The following SUPT3H variants were observed in gnomAD, a reference collection of about 807,000 sequenced individuals.
SUPT3H encodes the protein SPT3 homolog, SAGA and STAGA complex component.
Under a neutral mutation model 44.3 loss-of-function variants are expected in SUPT3H, and 44 were observed. That is an observed-to-expected ratio of 0.99 (90% CI 0.78 to 1.28). The LOEUF is 1.28. Ranked by LOEUF, SUPT3H falls within the 50% of genes most tolerant of loss-of-function variation. The pLI is 0.00. For synonymous variants in SUPT3H, 124 were observed against 125.6 expected (o/e 0.99, Z 0.09); for missense variants, 380 against 387.1 (o/e 0.98, Z 0.15).
chr6:45,252,159 A>G (rs905438500), intron 2 of SUPT3H, among the ~76,000 whole-genome samples: 2 of 152,182 alleles, frequency 1.3e-5, no homozygotes, highest in African/African-American at 4.8e-5. Flanking sequence ...TATTATAGAC[A>G]TCTCATTTAG....
intron 6 of SUPT3H, among the ~76,000 whole-genome samples, chr6:44,986,929 G>T (rs2153494049): frequency 6.6e-6 from 1 of 152,202 alleles, no homozygotes; most frequent in Non-Finnish European, 1.5e-5. Context: ...TGATATATGG[G>T]AAGTACACTG....
chr6:45,046,885 G>T (rs1184385756), intron 3 of SUPT3H, among the ~76,000 whole-genome samples: 1 of 152,084 alleles, frequency 6.6e-6, no homozygotes, highest in African/African-American at 2.4e-5. Flanking sequence ...ATATAGTTAA[G>T]GCTTCTTAAA....
At chr6:45,230,688 T>TATATATATATATATATA (rs1562747134) in intron 2 of SUPT3H, among the ~76,000 whole-genome samples, 3 of 39,828 alleles carry the variant, frequency 7.5e-5, no homozygotes, top group East Asian at 1.0e-3. Flanking sequence ...ATATATATAT[T>TATATATATATATATATA]TTTGAGATGG....
intron 9 of SUPT3H, among the ~76,000 whole-genome samples, chr6:44,942,747 C>G (rs918368792): frequency 6.6e-6 from 1 of 152,084 alleles, no homozygotes; most frequent in Admixed American, 6.6e-5. Flanking sequence ...TTTTACTAAC[C>G]CCTAAGTTCT....
At chr6:45,024,673 C>A (rs1785678374) in intron 3 of SUPT3H, among the ~76,000 whole-genome samples, 1 of 152,008 alleles carries the variant, frequency 6.6e-6, no homozygotes, top group Admixed American at 6.6e-5. Context: ...TTTGACTGGA[C>A]CGCGGGGTAC....
At chr6:44,986,856 A>G (rs1779863546) in intron 6 of SUPT3H, among the ~76,000 whole-genome samples, 1 of 152,166 alleles carries the variant, frequency 6.6e-6, no homozygotes, top group African/African-American at 2.4e-5. Context: ...AAAACAACAT[A>G]TAAAAGATCA....
intron 3 of SUPT3H, among the ~76,000 whole-genome samples, chr6:45,026,314 T>G (rs1785991795): frequency 6.6e-6 from 1 of 152,182 alleles, no homozygotes; most frequent in Admixed American, 6.5e-5. Context: ...GAAACTCCAG[T>G]GTAGTTTCAT....
intron 2 of SUPT3H, among the ~76,000 whole-genome samples, 173 bp downstream of exon 2, chr6:45,365,028 C>T (rs1218670654): frequency 1.3e-5 from 2 of 152,112 alleles, no homozygotes; most frequent in African/African-American, 4.8e-5. Context: ...GCATTTTTAA[C>T]CAATTTTGCC....
At chr6:45,361,210 T>A (rs9472470) in intron 2 of SUPT3H, among the ~76,000 whole-genome samples, 2 of 152,072 alleles carry the variant, frequency 1.3e-5, no homozygotes, top group African/African-American at 4.8e-5. Context: ...TTTTTTAATT[T>A]GTGGATGTTA....
intron 10 of SUPT3H, among the ~76,000 whole-genome samples, chr6:44,849,449 G>C (rs544119984): frequency 6.6e-6 from 1 of 151,470 alleles, no homozygotes; most frequent in African/African-American, 2.4e-5. Flanking sequence ...GGATGGTCTC[G>C]ATCTCCTGAC....
chr6:45,250,978 T>G (rs1772272292), intron 2 of SUPT3H: 1 of 152,032 alleles, frequency 6.6e-6, no homozygotes, highest in Non-Finnish European at 1.5e-5. Flanking sequence ...TATTTTTATT[T>G]TTTCATTTTT....
intron 2 of SUPT3H, among the ~76,000 whole-genome samples, chr6:45,344,270 T>C (rs932554079): frequency 2.6e-5 from 4 of 152,206 alleles, no homozygotes; most frequent in African/African-American, 9.7e-5. Context: ...TTTTCAATCT[T>C]ATTTCTTATA....
At chr6:44,974,138 T>C (rs1274951571) in intron 6 of SUPT3H, among the ~76,000 whole-genome samples, 1 of 152,150 alleles carries the variant, frequency 6.6e-6, no homozygotes, top group African/African-American at 2.4e-5. Flanking sequence ...GTTTATGCTC[T>C]TTTTACTACA....
At chr6:45,126,459 T>G (rs1802440300) in intron 2 of SUPT3H, among the ~76,000 whole-genome samples, 1 of 152,226 alleles carries the variant, frequency 6.6e-6, no homozygotes, top group Admixed American at 6.5e-5. Flanking sequence ...TGAGAACCAG[T>G]GCCAGTGGAT....
At chr6:44,904,495 A>T (rs527885189) in intron 10 of SUPT3H, among the ~76,000 whole-genome samples, 2 of 152,344 alleles carry the variant, frequency 1.3e-5, no homozygotes, top group South Asian at 4.1e-4. Flanking sequence ...GAGAAGTACA[A>T]ACCACTGCTC....
At chr6:44,871,060 G>C (rs1220334669) in intron 10 of SUPT3H, among the ~76,000 whole-genome samples, 1 of 149,532 alleles carries the variant, frequency 6.7e-6, no homozygotes, top group African/African-American at 2.4e-5. Flanking sequence ...AGGCGGCAAC[G>C]AGGCTGGGGG....
In SUPT3H at chr6:45,159,257, C is replaced by T. The variant is rs1264360083; in HGVS notation, c.102-53251G>A. On this transcript the variant is annotated intron_variant, in intron 2 of 10. Transcript: ENST00000371459. The stretch of plus-strand genomic sequence containing the variant: ...AATGATGCAATATGGGATTCAATGA[C>T]ATTGATTCCACCTCTACAGAGGTGA... The T allele has an allele frequency of 3.3e-5, 5 of 152,318 alleles. No individual in the cohort carries two copies. The East Asian group carries it at 9.6e-4, about 29-fold the overall frequency. 9.4% of individuals were successfully genotyped at this position (152,318 alleles called of 1,614,324 possible).
intron 4 of SUPT3H, 87 bp downstream of exon 4, chr6:45,020,459 G>C: frequency 1.1e-6 from 1 of 912,212 alleles, no homozygotes; most frequent in Non-Finnish European, 1.7e-6. Context: ...TAATTTGAAA[G>C]GTACATAACA....
At chr6:45,107,635 G>A (rs1026207790) in intron 2 of SUPT3H, among the ~76,000 whole-genome samples, 7 of 152,080 alleles carry the variant, frequency 4.6e-5, no homozygotes, top group Non-Finnish European at 7.4e-5. Context: ...TATTGATAGT[G>A]CCCACAGGTA....
Sources: gnomAD v4.1 joint callset for allele counts (sites outside exome capture counted in the v4.1 genomes callset) on GRCh38, gnomAD v4.1.1 for gene constraint, MANE v1.5 for transcripts, NCBI Gene and HGNC (gene_info 2026-07-23, HGNC 2026-07-21) for gene names.